RNF170: variants seen among roughly 807,000 people sequenced by gnomAD.
RNF170 encodes ring finger protein 170, also known as E3 ubiquitin-protein ligase RNF170.
Under a neutral mutation model 32.7 loss-of-function variants are expected in RNF170, and 12 were observed. That is an observed-to-expected ratio of 0.37 (90% CI 0.24 to 0.60). RNF170 has a LOEUF of 0.60. Ranked by LOEUF, RNF170 falls within the 20% of genes least tolerant of loss-of-function variation. RNF170 has a pLI of 0.72. For missense variants in RNF170, 212 were observed against 311.2 expected (o/e 0.68, Z 2.40); for synonymous variants, 91 against 103.6 (o/e 0.88, Z 0.74).
chr8:42,853,770 A>G lies in RNF170; in HGVS notation c.*2389T>C, dbSNP rs969217124. On this transcript the variant is annotated 3_prime_UTR_variant, in exon 7 of 7. Coordinates refer to ENST00000527424, the MANE Select transcript of RNF170 (RefSeq NM_030954.4). ...TCAGAGATCGGTAAAGATGACAACA[A>G]GCAGGTCTAAAGTTCTGAGATGTTA... 31 of 1,287,128 alleles carry G rather than the reference A, an allele frequency of 2.4e-5. No homozygotes were observed. In the Middle Eastern group the frequency reaches 1.3e-3, roughly 54 times the overall value. The allele number at this position is 1,287,128 out of a possible 1,614,324, so 79.7% of individuals were successfully genotyped here. A position where few individuals can be genotyped will look rare whatever the true frequency, so the allele number is the denominator to read the frequency against.
intron 1 of RNF170, 22 bp from the exon 2 acceptor site, chr8:42,887,893 T>G: frequency 1.2e-6 from 2 of 1,606,056 alleles, no homozygotes; most frequent in Non-Finnish European, 1.7e-6. Context: ...AGAAACAAGA[T>G]GAGAGTTACA....
At chr8:42,864,987 T>TA (rs1803974670) in intron 5 of RNF170, among the ~76,000 whole-genome samples, 1 of 150,434 alleles carries the variant, frequency 6.6e-6, no homozygotes, top group African/African-American at 2.4e-5. Flanking sequence ...CTGGGCGTGG[T>TA]ATCTCATGCC....
chr8:42,866,872 G>A (rs1804124131), intron 4 of RNF170, among the ~76,000 whole-genome samples: 1 of 152,160 alleles, frequency 6.6e-6, no homozygotes, highest in Non-Finnish European at 1.5e-5. Flanking sequence ...ATACTGTCTG[G>A]GATTTAAGGG....
chr8:42,866,337 C>G (rs1358743053), intron 4 of RNF170, among the ~76,000 whole-genome samples: 3 of 151,844 alleles, frequency 2.0e-5, no homozygotes, highest in East Asian at 3.9e-4. Flanking sequence ...GTCAGGAGTT[C>G]GAGACCAGCC....
chr8:42,890,187 G>A (rs550013388), intron 1 of RNF170, among the ~76,000 whole-genome samples: 6 of 150,042 alleles, frequency 4.0e-5, no homozygotes, highest in Non-Finnish European at 8.9e-5. Context: ...ATGGTAATGC[G>A]AATAAATTAT....
In RNF170 at chr8:42,865,465, C is replaced by T. The variant is rs753145555; in HGVS notation, c.347G>A (p.Arg116Gln). 9.9e-6 allele frequency: 16 copies of T among 1,613,500 alleles called. No homozygotes were observed. The highest frequency in any genetic ancestry group is 5.5e-5 in the South Asian group (5 of 91,070). The change falls in exon 5 of 7, where the codon CGA becomes CAA. Residue 116 changes from arginine to glutamine, a missense_variant. By Grantham distance (43) the Arg-to-Gln change is conservative. Transcript: ENST00000527424. ...GATTGCCCCAAGCCATGAACCATATCGCCAGTAAGCAATAATGCAGGCACC... is the reference window on the plus strand; with the variant it reads ...GATTGCCCCAAGCCATGAACCATATTGCCAGTAAGCAATAATGCAGGCACC... The part of the protein sequence containing the change: ...FCGACIIAYW[R>Q]YGSWLGAISC...
At chr8:42,871,594 CAG>C (rs983844778) in intron 3 of RNF170, among the ~76,000 whole-genome samples, 39 of 149,774 alleles carry the variant, frequency 2.6e-4, no homozygotes, top group African/African-American at 8.9e-4. Context: ...TTTTTTGAGA[CAG>C]AGTCTCGCTC....
chr8:42,891,209 A>G (rs1806274399), intron 1 of RNF170, among the ~76,000 whole-genome samples: 1 of 152,190 alleles, frequency 6.6e-6, no homozygotes, highest in Non-Finnish European at 1.5e-5. Context: ...AGTAAATAAA[A>G]TTCAAACGTT....
chr8:42,880,971 C>G (rs940806904), intron 2 of RNF170, among the ~76,000 whole-genome samples: 3 of 151,936 alleles, frequency 2.0e-5, no homozygotes, highest in African/African-American at 7.3e-5. Context: ...AGACATAGTG[C>G]TATTACACAC....
intron 5 of RNF170, 75 bp downstream of exon 5, chr8:42,865,341 A>T (rs1460855452): frequency 1.6e-5 from 18 of 1,114,222 alleles, no homozygotes; most frequent in Non-Finnish European, 2.3e-5. Context: ...AATAATTCCA[A>T]ATGTAGATAC....
chr8:42,853,816 T>G lies in RNF170; in HGVS notation c.*2343A>C. On this transcript the variant is annotated 3_prime_UTR_variant, in exon 7 of 7. Coordinates refer to ENST00000527424, the MANE Select transcript of RNF170 (RefSeq NM_030954.4). ...TGTTAGCACATACCCTTTTCACAAT[T>G]TAGGAAGCTTTAAGATCATTTAGTA... is the stretch of plus-strand genomic sequence containing the variant. The G allele has an allele frequency of 7.8e-7, 1 of 1,287,182 alleles. No homozygotes were observed. The highest frequency in any genetic ancestry group is 1.0e-6 in the Non-Finnish European group (1 of 988,658). 79.7% of individuals were successfully genotyped at this position (1,287,182 alleles called of 1,614,324 possible). A position where few individuals can be genotyped will look rare whatever the true frequency, so the allele number is the denominator to read the frequency against.
At chr8:42,878,608 A>G (rs1273063833) in intron 2 of RNF170, among the ~76,000 whole-genome samples, 1 of 152,248 alleles carries the variant, frequency 6.6e-6, no homozygotes, top group Non-Finnish European at 1.5e-5. Context: ...ACATTTAAGG[A>G]AAGACAAAGT....
At chr8:42,872,713 T>A (rs1421258593) in intron 3 of RNF170, among the ~76,000 whole-genome samples, 1 of 152,078 alleles carries the variant, frequency 6.6e-6, no homozygotes, top group East Asian at 1.9e-4. Flanking sequence ...AGTGCTGGGA[T>A]TACAGGCGTG....
chr8:42,896,608 G>A (rs1372602192), upstream of RNF170: 2 of 453,752 alleles, frequency 4.4e-6, no homozygotes. Flanking sequence ...TGGAGTGCGG[G>A]TGCGGGCGCA....
intron 2 of RNF170, among the ~76,000 whole-genome samples, chr8:42,882,102 C>G (rs1805461247): frequency 2.0e-5 from 3 of 152,124 alleles, no homozygotes; most frequent in African/African-American, 2.4e-5. Flanking sequence ...TAGGGAACAA[C>G]AGTGTTGGCA....
At chr8:42,881,740 G>A (rs975191284) in intron 2 of RNF170, among the ~76,000 whole-genome samples, 5 of 152,036 alleles carry the variant, frequency 3.3e-5, no homozygotes, top group African/African-American at 1.2e-4. Flanking sequence ...TTTGAGACCA[G>A]CCTGGGCAAC....
intron 2 of RNF170, among the ~76,000 whole-genome samples, chr8:42,880,045 C>T (rs1805259307): frequency 6.6e-6 from 1 of 152,244 alleles, no homozygotes; most frequent in South Asian, 2.1e-4. Flanking sequence ...AAGTTGACTC[C>T]AGCCCTCATG....
At position 42,865,416 on chromosome 8, in the gene RNF170, C is replaced by T. The variant is rs766110198; in HGVS notation, c.396G>A (p.Thr132=). 3 of 1,609,648 alleles carry T rather than the reference C, an allele frequency of 1.9e-6. No homozygotes were observed. Among genetic ancestry groups the T allele is most frequent in the East Asian group, 2.2e-5 (1 of 44,824 alleles). ...GAISCPICRQ[T]VTLLLTVFGE... is the part of the protein sequence containing the mutation. ...ATACTTTCTGCACACAAAACATTACCGTTTGTCTACAGATTGGACAACTGA... is the reference window on the plus strand; with the variant it reads ...ATACTTTCTGCACACAAAACATTACTGTTTGTCTACAGATTGGACAACTGA... The change falls in exon 5 of 7, where the codon ACG becomes ACA. Residue 132 remains threonine, a splice_region_variant and synonymous_variant. Coordinates refer to ENST00000527424, the MANE Select transcript of RNF170 (RefSeq NM_030954.4).
At chr8:42,861,502 G>C in intron 6 of RNF170, 1 of 444,504 alleles carries the variant, frequency 2.2e-6, no homozygotes, top group Non-Finnish European at 4.2e-6. Flanking sequence ...CAACACTCTT[G>C]TCCAATTTTT....
Sources: allele counts gnomAD v4.1 joint callset (sites outside exome capture counted in the v4.1 genomes callset), GRCh38; gene constraint gnomAD v4.1.1; transcripts MANE v1.5; gene names NCBI Gene and HGNC (gene_info 2026-07-23, HGNC 2026-07-21).